Variants in RASD2 observed in about 807,000 individuals in gnomAD.
RASD2 encodes GTP-binding protein Rhes.
A neutral mutation model predicts 15.8 loss-of-function variants in RASD2; 7 were observed. That is an observed-to-expected ratio of 0.44 (90% CI 0.25 to 0.83). RASD2 has a LOEUF of 0.83. RASD2 is among the 40% of genes least tolerant of loss of function. The probability of loss-of-function intolerance (pLI) is 0.20; values close to 1 mark genes in which losing one functional copy is unlikely to be tolerated. For missense variants in RASD2, 274 were observed against 382.8 expected, an observed-to-expected ratio of 0.72 and a Z score of 2.37; for synonymous variants, 155 against 153.6, an observed-to-expected ratio of 1.01 and a Z score of -0.07.
rs1934328131 is a variant in RASD2 at position 35,540,905 on chromosome 22, G to C, written c.-605G>C. 6.6e-6 allele frequency: 1 copy of C among 152,586 alleles called. No individual in the cohort carries two copies. The highest frequency in any genetic ancestry group is 1.5e-5 in the Non-Finnish European group (1 of 68,398). 9.5% of individuals were successfully genotyped at this position (152,586 alleles called of 1,614,324 possible). ...AGAAGCCGTCCCTCCGGCGCTGGGA[G>C]AGCTGCAGAGCCGCGGGCAGAGAAG... On this transcript the variant is annotated 5_prime_UTR_variant, in exon 1 of 3. Transcript: ENST00000216127.
At chr22:35,533,061 C>T in the RASD2 span, among the ~76,000 whole-genome samples, 2 of 152,224 alleles carry the variant, frequency 1.3e-5, 1 homozygote, top group Non-Finnish European at 2.9e-5. Flanking sequence ...GATAATAAGA[C>T]ACTCCTCATA....
At chr22:35,535,872 A>T (rs919553775), upstream of RASD2, among the ~76,000 whole-genome samples, 4 of 124,986 alleles carry the variant, frequency 3.2e-5, no homozygotes. Flanking sequence ...CAGGCTCCTG[A>T]CTGAATTGGG....
the RASD2 span, among the ~76,000 whole-genome samples, chr22:35,534,698 T>C: frequency 2.0e-5 from 3 of 152,246 alleles, no homozygotes; most frequent in Non-Finnish European, 4.4e-5. Context: ...TATGGTTGTG[T>C]AGGTTGCTTA....
chr22:35,546,261 G>A (rs182154112), intron 1 of RASD2, among the ~76,000 whole-genome samples: 27 of 152,244 alleles, frequency 1.8e-4, no homozygotes, highest in Admixed American at 1.8e-3. Flanking sequence ...TTCCCAGGAG[G>A]GCTGAATGGC....
intron 2 of RASD2, among the ~76,000 whole-genome samples, chr22:35,550,338 G>A (rs908556731): frequency 5.3e-5 from 8 of 151,386 alleles, no homozygotes; most frequent in African/African-American, 1.9e-4. Flanking sequence ...CTGCTCCAGA[G>A]GCTGAGGCAG....
Position 35,551,726 on chromosome 22 carries a change from C to T in RASD2, c.495C>T (p.Asn165=), listed in dbSNP as rs1934672567. ...AGCTGCTGGTGTCGGGCGACGAGAACTGCGCCTACTTCGAGGTGTCGGCCA... is the reference window on the plus strand; with the variant it reads ...AGCTGCTGGTGTCGGGCGACGAGAATTGCGCCTACTTCGAGGTGTCGGCCA... The part of the protein sequence containing the change: ...EAELLVSGDE[N]CAYFEVSAKK... The change falls in exon 3 of 3, where the codon AAC becomes AAT. Residue 165 remains asparagine (N), a synonymous_variant. Transcript: ENST00000216127. This position sits in a 1 kb window ranked among gnomAD's most constrained non-coding sequence, Gnocchi z 4.9. The T allele has an allele frequency of 1.9e-6, 3 of 1,613,828 alleles. No individual in the cohort carries two copies. Among genetic ancestry groups the T allele is most frequent in the Non-Finnish European group, 2.5e-6 (3 of 1,179,966 alleles).
chr22:35,546,690 C>A, intron 1 of RASD2, 111 bp from the exon 2 acceptor site: 2 of 1,397,684 alleles, frequency 1.4e-6, no homozygotes, highest in South Asian at 1.5e-5. Context: ...GTCTGATGTT[C>A]CCATTTTACA....
At chr22:35,540,569 G>T (rs1934319761), upstream of RASD2, among the ~76,000 whole-genome samples, 1 of 151,762 alleles carries the variant, frequency 6.6e-6, no homozygotes, top group Non-Finnish European at 1.5e-5. Flanking sequence ...TCGCAGGGGC[G>T]CGGGAGGGTG....
In RASD2 at chr22:35,551,883, T is replaced by C. The variant is rs762514255; in HGVS notation, c.652T>C (p.Cys218Arg). The change falls in exon 3 of 3, where the codon TGC becomes CGC. Residue 218 changes from cysteine (C) to arginine (R), a missense_variant. By Grantham distance (180) the Cys-to-Arg change is radical. Transcript: ENST00000216127. This position sits in a 1 kb window ranked among gnomAD's most constrained non-coding sequence, Gnocchi z 4.9. ...TGACGCCTTCCACCCCAGGCCCTTC[T>C]GCATGCGCCGCGTCAAGGAGATGGA... ...YGDAFHPRPF[C>R]MRRVKEMDAY... is the part of the protein sequence containing the mutation. 6.2e-7 allele frequency: 1 copy of C among 1,613,626 alleles called. No homozygotes were observed.
chr22:35,551,424 G>A lies in RASD2; in HGVS notation c.272-79G>A, dbSNP rs1934660750. On this transcript the variant is annotated intron_variant, in intron 2 of 2. Coordinates refer to ENST00000216127, the MANE Select transcript of RASD2 (RefSeq NM_014310.4). This position sits in a 1 kb window ranked among gnomAD's most constrained non-coding sequence, Gnocchi z 4.9. Reference sequence around the variant, plus strand: ...GGGCACCTGTGACTCCCAGCTCTTAGGGCTGATGTTCTGTGGCCAGAGGAG... The same window carrying A: ...GGGCACCTGTGACTCCCAGCTCTTAAGGCTGATGTTCTGTGGCCAGAGGAG... 6.8e-7 allele frequency: 1 copy of A among 1,462,144 alleles called. No homozygotes were observed. Among genetic ancestry groups the A allele is most frequent in the Non-Finnish European group, 9.3e-7 (1 of 1,069,562 alleles). The allele number at this position is 1,462,144 out of a possible 1,614,324, so 90.6% of individuals were successfully genotyped here. A position where few individuals can be genotyped will look rare whatever the true frequency, so the allele number is the denominator to read the frequency against.
upstream of RASD2, among the ~76,000 whole-genome samples, chr22:35,536,992 GGTTTTGGTATCTT>G (rs1934255645): frequency 6.6e-6 from 1 of 152,160 alleles, no homozygotes; most frequent in South Asian, 2.1e-4. Context: ...GGGGAGCCTG[GGTTTTGGTATCTT>G]TTAAAAGCTC....
At chr22:35,537,990 G>A (rs1467089127), upstream of RASD2, among the ~76,000 whole-genome samples, 1 of 151,220 alleles carries the variant, frequency 6.6e-6, no homozygotes, top group Non-Finnish European at 1.5e-5. Flanking sequence ...CCGTCGCCCA[G>A]GCTAGAGCAC....
At chr22:35,547,132 G>C (rs769914028) in intron 2 of RASD2, 52 bp downstream of exon 2, 11 of 1,552,066 alleles carry the variant, frequency 7.1e-6, no homozygotes, top group Non-Finnish European at 8.8e-6. Flanking sequence ...GCATGGGTGC[G>C]GAGTGTGCTG....
chr22:35,532,807 GTC>G, the RASD2 span, among the ~76,000 whole-genome samples: 1 of 152,144 alleles, frequency 6.6e-6, no homozygotes, highest in Non-Finnish European at 1.5e-5. Flanking sequence ...AATCCGGAGG[GTC>G]GTGCTAATTC....
chr22:35,538,763 G>A (rs1934282071), upstream of RASD2, among the ~76,000 whole-genome samples: 1 of 152,208 alleles, frequency 6.6e-6, no homozygotes, highest in Admixed American at 6.5e-5. Context: ...TGATGGAGGT[G>A]GCAGAGCTGG....
chr22:35,547,213 T>C, intron 2 of RASD2, 133 bp downstream of exon 2: 1 of 1,199,576 alleles, frequency 8.3e-7, no homozygotes. Context: ...ACAATGAGGC[T>C]CAGAGAGGTT....
upstream of RASD2, among the ~76,000 whole-genome samples, chr22:35,538,938 G>C (rs1934283971): frequency 6.6e-6 from 1 of 152,206 alleles, no homozygotes; most frequent in Non-Finnish European, 1.5e-5. Flanking sequence ...GCAAAGTCTG[G>C]ATGTGGAAAA....
chr22:35,539,942 C>T (rs78331972), upstream of RASD2, among the ~76,000 whole-genome samples: 1,522 of 152,318 alleles, frequency 1.0e-2, 21 homozygotes, highest in African/African-American at 0.034. Flanking sequence ...CCCCGTCGGC[C>T]GTGGTCTCTG....
chr22:35,553,465 C>T lies in RASD2; in HGVS notation c.*1433C>T, dbSNP rs999003326. ...CTCTAAACATATTGAAGTTTTAGGG[C>T]CCTAAGGAACCTTAGTGATCTTCTA... On this transcript the variant is annotated 3_prime_UTR_variant, in exon 3 of 3. Coordinates refer to ENST00000216127, the MANE Select transcript of RASD2 (RefSeq NM_014310.4). 2 of 152,408 alleles carry T rather than the reference C, an allele frequency of 1.3e-5. No individual in the cohort carries two copies. The highest frequency in any genetic ancestry group is 2.9e-5 in the Non-Finnish European group (2 of 68,016). The allele number at this position is 152,408 out of a possible 1,614,324, so 9.4% of individuals were successfully genotyped here. A position where few individuals can be genotyped will look rare whatever the true frequency, so the allele number is the denominator to read the frequency against.
Sources: allele counts gnomAD v4.1 joint callset (sites outside exome capture counted in the v4.1 genomes callset), GRCh38; gene constraint gnomAD v4.1.1; non-coding constraint Gnocchi (gnomAD v3.1); transcripts MANE v1.5; gene names NCBI Gene and HGNC (gene_info 2026-07-23, HGNC 2026-07-21).